The following CSMD1 variants were observed in gnomAD, a reference collection of about 807,000 sequenced individuals.
CSMD1 encodes the protein CUB and sushi domain-containing protein 1.
In CSMD1, 213 loss-of-function variants were observed where a neutral mutation model predicts 417.5. That is an observed-to-expected ratio of 0.51 (90% confidence interval 0.46 to 0.57). The LOEUF (loss-of-function observed/expected upper bound fraction) is 0.57, where lower values mean the gene tolerates loss of function less well. Among genes scored for constraint, CSMD1 ranks in the 20% least tolerant of loss-of-function variants. The pLI is 0.00. For synonymous variants in CSMD1, 2,862 were observed against 1,736.8 expected, an observed-to-expected ratio of 1.65 and a Z score of -16.11; for missense variants, 6,923 against 4,529.7, an observed-to-expected ratio of 1.53 and a Z score of -15.17.
chr8:4,921,112 GAAAGA>G (rs1044185647), intron 1 of CSMD1, among the ~76,000 whole-genome samples: 1 of 151,162 alleles, frequency 6.6e-6, no homozygotes, highest in African/African-American at 2.4e-5. Flanking sequence ...AAGAAAGAAA[GAAAGA>G]AAAGAAAAGA....
chr8:4,701,115 G>C (rs1807507227), intron 1 of CSMD1, among the ~76,000 whole-genome samples: 1 of 151,988 alleles, frequency 6.6e-6, no homozygotes, highest in African/African-American at 2.4e-5. Context: ...GGTGAATGTT[G>C]CAACTCCTTC....
chr8:4,650,116 C>A (rs559058532), intron 1 of CSMD1, among the ~76,000 whole-genome samples: 2 of 152,152 alleles, frequency 1.3e-5, no homozygotes, highest in South Asian at 2.1e-4. Context: ...GAGGCCGAGG[C>A]GGGCGGATCA....
intron 2 of CSMD1, among the ~76,000 whole-genome samples, chr8:4,579,454 G>T (rs2617065): frequency 0.36 from 54,466 of 151,510 alleles, 9,822 homozygotes; most frequent in Non-Finnish European, 0.37. Context: ...CGCCTCCCAG[G>T]TTCAAGTAAT....
In CSMD1 at chr8:3,369,957, T is replaced by G. The variant is rs114208129; in HGVS notation, c.2783-587A>C. On this transcript the variant is annotated intron_variant, in intron 18 of 69. Coordinates refer to ENST00000635120, the MANE Select transcript of CSMD1 (RefSeq NM_033225.6). ...TCAATCCTTTACATTTCTCCCATCTTGAAAATAGAAATTATGATAAAATCC... is the reference window on the plus strand; with the variant it reads ...TCAATCCTTTACATTTCTCCCATCTGGAAAATAGAAATTATGATAAAATCC... Among the ~76,000 whole-genome samples the G allele has an allele frequency of 4.7e-3, 714 of 152,274 alleles. 4 individuals are homozygous for G. Among genetic ancestry groups the G allele is most frequent in the African/African-American group, 0.016 (669 of 41,566 alleles).
At chr8:3,640,533 G>A (rs931772414) in intron 7 of CSMD1, among the ~76,000 whole-genome samples, 8 of 152,164 alleles carry the variant, frequency 5.3e-5, no homozygotes, top group African/African-American at 1.9e-4. Flanking sequence ...AAATGTGGAA[G>A]CATAAACTCA....
rs867532133 is a variant in CSMD1 at position 3,144,934 on chromosome 8, G to A, written c.6032-2260C>T. On this transcript the variant is annotated intron_variant, in intron 40 of 69. Transcript: ENST00000635120. ...GACTGCCCAGCCAGTGGCACATCCA[G>A]ATCTGCTTGTCCACTTCCCACTACT... Among the ~76,000 whole-genome samples the A allele has an allele frequency of 9.9e-5, 15 of 152,160 alleles. 1 individual carries two copies. In the Middle Eastern group the frequency reaches 0.01, roughly 104 times the overall value.
chr8:3,859,895 T>C (rs572951530), intron 5 of CSMD1, among the ~76,000 whole-genome samples: 2 of 152,312 alleles, frequency 1.3e-5, no homozygotes, highest in Admixed American at 1.3e-4. Context: ...GTTTAACATA[T>C]ATTCTTCTTC....
At chr8:4,206,416 A>C (rs74890127) in intron 3 of CSMD1, among the ~76,000 whole-genome samples, 2 of 151,704 alleles carry the variant, frequency 1.3e-5, no homozygotes, top group African/African-American at 4.8e-5. Flanking sequence ...GTTCCCACCT[A>C]TGACTGAGAA....
chr8:4,962,762 G>C (rs903747726), intron 1 of CSMD1, among the ~76,000 whole-genome samples: 2 of 152,176 alleles, frequency 1.3e-5, no homozygotes, highest in Admixed American at 1.3e-4. Flanking sequence ...ATGTTCTTGG[G>C]ATATGGCAGA....
At chr8:4,411,989 G>T (rs963394769) in intron 3 of CSMD1, among the ~76,000 whole-genome samples, 2 of 149,052 alleles carry the variant, frequency 1.3e-5, no homozygotes, top group Non-Finnish European at 3.0e-5. Flanking sequence ...CATAGCTAAG[G>T]GTGTGTGTGT....
chr8:3,684,107 T>A (rs1422779963), intron 7 of CSMD1, among the ~76,000 whole-genome samples: 2 of 145,290 alleles, frequency 1.4e-5, no homozygotes, highest in South Asian at 2.1e-4. Flanking sequence ...AGATATTATA[T>A]ATTATATAAT....
chr8:3,630,877 G>C (rs944150028), intron 7 of CSMD1, among the ~76,000 whole-genome samples: 2 of 152,276 alleles, frequency 1.3e-5, no homozygotes, highest in South Asian at 2.1e-4. Context: ...TTGGTCTGTT[G>C]GTTATATGCA....
At chr8:4,780,253 TGCAGATTG>T (rs1238980694) in intron 1 of CSMD1, among the ~76,000 whole-genome samples, 1 of 152,228 alleles carries the variant, frequency 6.6e-6, no homozygotes, top group Non-Finnish European at 1.5e-5. Context: ...CCTGAAGGTG[TGCAGATTG>T]GCATGCTTTC....
intron 3 of CSMD1, among the ~76,000 whole-genome samples, chr8:4,085,320 T>A (rs988826242): frequency 6.6e-6 from 1 of 152,138 alleles, no homozygotes; most frequent in African/African-American, 2.4e-5. Context: ...ATGAAGCTTC[T>A]TGGAGTAAGA....
intron 1 of CSMD1, among the ~76,000 whole-genome samples, chr8:4,903,238 G>C (rs867523351): frequency 6.6e-6 from 1 of 152,110 alleles, no homozygotes; most frequent in African/African-American, 2.4e-5. Context: ...TGCACTTACA[G>C]CCAGACTTAG....
At chr8:3,157,440 T>C (rs1369329754) in intron 39 of CSMD1, among the ~76,000 whole-genome samples, 3 of 152,200 alleles carry the variant, frequency 2.0e-5, no homozygotes, top group Admixed American at 6.5e-5. Context: ...ATCCACAAGA[T>C]AGTCACCAGG....
At chr8:4,171,643 C>T (rs1797770326) in intron 3 of CSMD1, among the ~76,000 whole-genome samples, 2 of 151,592 alleles carry the variant, frequency 1.3e-5, no homozygotes, top group Admixed American at 1.3e-4. Flanking sequence ...CCAAACTTGC[C>T]TGTTTTTTTC....
intron 25 of CSMD1, among the ~76,000 whole-genome samples, chr8:3,296,582 T>TA (rs1389689179): frequency 6.6e-6 from 1 of 152,036 alleles, no homozygotes; most frequent in East Asian, 1.9e-4. Context: ...GGAGGGAAAA[T>TA]GACACTCTGT....
At chr8:4,991,139 C>T (rs1485357759) in intron 1 of CSMD1, among the ~76,000 whole-genome samples, 2 of 152,072 alleles carry the variant, frequency 1.3e-5, no homozygotes, top group Non-Finnish European at 2.9e-5. Context: ...AAACTTCTTC[C>T]AAACAGCCAG....
Sources: gnomAD v4.1 joint callset for allele counts (sites outside exome capture counted in the v4.1 genomes callset) on GRCh38, gnomAD v4.1.1 for gene constraint, MANE v1.5 for transcripts, NCBI Gene and HGNC (gene_info 2026-07-23, HGNC 2026-07-21) for gene names.